The following RAPGEF6 variants were observed in gnomAD, a reference collection of about 807,000 sequenced individuals.
RAPGEF6 encodes the protein Rap guanine nucleotide exchange factor 6, also known as PDZ domain containing guanine nucleotide exchange factor (GEF) 2.
RAPGEF6 carries 56 observed loss-of-function variants against 171.4 expected under a neutral mutation model. That is an observed-to-expected ratio of 0.33 (90% confidence interval 0.26 to 0.41). RAPGEF6 has a LOEUF of 0.41. Ranked by LOEUF, RAPGEF6 falls within the 10% of genes least tolerant of loss-of-function variation. The pLI, the probability that RAPGEF6 is intolerant of heterozygous loss-of-function variation, is 1.00. For synonymous variants in RAPGEF6, 692 were observed against 650.1 expected, an observed-to-expected ratio of 1.06 and a Z score of -0.98; for missense variants, 1,674 against 1,921.4, an observed-to-expected ratio of 0.87 and a Z score of 2.41.
rs866698309 is a variant in RAPGEF6 at position 131,519,420 on chromosome 5, G to A, written c.627+1970C>T. Among the ~76,000 whole-genome samples, 5 of 151,958 alleles carry A rather than the reference G, an allele frequency of 3.3e-5. No homozygotes were observed. The South Asian group carries it at 8.3e-4, about 25-fold the overall frequency. On this transcript the variant is annotated intron_variant, in intron 7 of 27. Coordinates refer to ENST00000509018, the MANE Select transcript of RAPGEF6 (RefSeq NM_016340.6). The stretch of plus-strand genomic sequence containing the variant: ...TTTTTCTTGTCTTTTCTTCTTTTTT[G>A]AGACAGAGTCTTGCTCTGTCGGCCA...
At chr5:131,436,579 G>A (rs1219328029) in intron 24 of RAPGEF6, among the ~76,000 whole-genome samples, 2 of 151,574 alleles carry the variant, frequency 1.3e-5, no homozygotes, top group African/African-American at 4.9e-5. Context: ...ACAGAATGCA[G>A]GAGAAAGATT....
Position 131,604,611 on chromosome 5 carries a change from AACG to A in RAPGEF6, c.140+9_140+11del, listed in dbSNP as rs1764440334. 2 of 1,610,406 alleles carry A rather than the reference AACG, an allele frequency of 1.2e-6. No homozygotes were observed. Among genetic ancestry groups the A allele is most frequent in the Non-Finnish European group, 1.7e-6 (2 of 1,178,670 alleles). On this transcript the variant is annotated intron_variant, in intron 2 of 27. Coordinates refer to ENST00000509018, the MANE Select transcript of RAPGEF6 (RefSeq NM_016340.6). ...ATACAGCGTGTGCTCTTAAATACAG[AACG>A]ACACTTACCTAAGCTGATGTTCCCT...
Position 131,595,816 on chromosome 5 carries a change from C to T in RAPGEF6, c.198-3350G>A, listed in dbSNP as rs116549596. Among the ~76,000 whole-genome samples the T allele has an allele frequency of 8.9e-3, 1,317 of 147,540 alleles. 21 individuals carry two copies. The highest frequency in any genetic ancestry group is 0.032 in the African/African-American group (1,261 of 39,594). ...GATAATAAAACCCAAATGTATGCTG[C>T]GTATAACAGACTCACCTCACTGTTA... On this transcript the variant is annotated intron_variant, in intron 3 of 27. Transcript: ENST00000509018.
At chr5:131,427,892 G>A (rs1054803223) in intron 27 of RAPGEF6, among the ~76,000 whole-genome samples, 4 of 152,118 alleles carry the variant, frequency 2.6e-5, no homozygotes, top group Non-Finnish European at 5.9e-5. Flanking sequence ...CAGATTGCTT[G>A]AGTCCAGGAG....
At chr5:131,476,711 T>C (rs1331428319) in intron 16 of RAPGEF6, among the ~76,000 whole-genome samples, 1 of 152,164 alleles carries the variant, frequency 6.6e-6, no homozygotes, top group Non-Finnish European at 1.5e-5. Context: ...TTTTTATTTT[T>C]GGTAGAGATG....
intron 6 of RAPGEF6, among the ~76,000 whole-genome samples, chr5:131,529,626 A>G (rs1759231810): frequency 6.6e-6 from 1 of 151,904 alleles, no homozygotes; most frequent in Admixed American, 6.6e-5. Context: ...TAAATAAAAC[A>G]AAGGCTGGAC....
chr5:131,526,246 T>C (rs1157949089), intron 6 of RAPGEF6, among the ~76,000 whole-genome samples: 1 of 152,224 alleles, frequency 6.6e-6, no homozygotes. Context: ...ATGGGAATAA[T>C]GATGCTGACT....
chr5:131,436,030 T>C lies in RAPGEF6; in HGVS notation c.3746-2372A>G, dbSNP rs185336622. On this transcript the variant is annotated intron_variant, in intron 24 of 27. Transcript: ENST00000509018. ...GTTACTGTTGCCTTGGCTATTTGAA[T>C]TGAAGATGGCACTCCCTTTCTCATC... is the stretch of plus-strand genomic sequence containing the variant. The C allele has an allele frequency of 8.5e-6, 13 of 1,537,168 alleles. No homozygotes were observed. In the Admixed American group the frequency reaches 1.8e-4, roughly 21 times the overall value.
intron 19 of RAPGEF6, among the ~76,000 whole-genome samples, chr5:131,457,124 C>T (rs1365289696): frequency 3.9e-5 from 6 of 152,122 alleles, no homozygotes; most frequent in Admixed American, 2.0e-4. Context: ...TGCGGTGGTG[C>T]GATCTCAGCT....
At chr5:131,470,604 T>C (rs1754673582) in intron 17 of RAPGEF6, among the ~76,000 whole-genome samples, 1 of 152,216 alleles carries the variant, frequency 6.6e-6, no homozygotes, top group Non-Finnish European at 1.5e-5. Context: ...ATTTAATTTG[T>C]GCTTTGGAAG....
At chr5:131,516,368 A>C (rs1416846751) in intron 7 of RAPGEF6, among the ~76,000 whole-genome samples, 1 of 152,134 alleles carries the variant, frequency 6.6e-6, no homozygotes, top group Non-Finnish European at 1.5e-5. Context: ...AGAAATATTA[A>C]AGAAAGGTGT....
intron 3 of RAPGEF6, among the ~76,000 whole-genome samples, chr5:131,598,668 CT>C (rs1393873194): frequency 6.6e-6 from 1 of 152,184 alleles, no homozygotes; most frequent in African/African-American, 2.4e-5. Context: ...ACAGAAAAAA[CT>C]GCTCAAACTG....
rs779328072 is a variant in RAPGEF6 at position 131,508,137 on chromosome 5, G to A, written c.876C>T (p.Leu292=). Residue 292 remains leucine (L), a synonymous_variant, in exon 9 of 28, where the codon CTC becomes CTT. Transcript: ENST00000509018. ...CCACTTCAAAAATCATCACTGAGCA[G>A]AGTTCTCTCCTTACAGACATGGTCA... ...ANMTMSVRRE[L]CSVMIFEVVE... The A allele has an allele frequency of 6.2e-7, 1 of 1,613,544 alleles. No individual in the cohort carries two copies. The highest frequency in any genetic ancestry group is 8.5e-7 in the Non-Finnish European group (1 of 1,179,636).
Position 131,561,900 on chromosome 5 carries a change from A to G in RAPGEF6, c.351+78T>C, listed in dbSNP as rs1318274681. The G allele has an allele frequency of 1.1e-5, 12 of 1,054,710 alleles. No homozygotes were observed. In the Admixed American group the frequency reaches 2.5e-4, roughly 22 times the overall value. The allele number at this position is 1,054,710 out of a possible 1,614,324, so 65.3% of individuals were successfully genotyped here. ...AAGGTCATAGTAATAAAACCTCCTT[A>G]AGTGTTTAAAGCCTACTACATTTAA... On this transcript the variant is annotated intron_variant, in intron 5 of 27. Coordinates refer to ENST00000509018, the MANE Select transcript of RAPGEF6 (RefSeq NM_016340.6).
At position 131,573,527 on chromosome 5, in the gene RAPGEF6, CAAGA is replaced by C. The variant is rs1489601931; in HGVS notation, c.282-11484_282-11481del. ...GACCTCTACCCTCTCCTCAGATGAA[CAAGA>C]AAGAGTTTACTTTCTAGCCCAGTCC... is the stretch of plus-strand genomic sequence containing the variant. On this transcript the variant is annotated intron_variant, in intron 4 of 27. Transcript: ENST00000509018. Among the ~76,000 whole-genome samples, 5 of 152,112 alleles carry C rather than the reference CAAGA, an allele frequency of 3.3e-5. No individual in the cohort carries two copies. In the East Asian group the frequency reaches 5.8e-4, roughly 18 times the overall value.
intron 4 of RAPGEF6, among the ~76,000 whole-genome samples, chr5:131,570,654 T>C (rs771175312): frequency 1.3e-5 from 2 of 152,132 alleles, no homozygotes; most frequent in Non-Finnish European, 1.5e-5. Flanking sequence ...GGGTGAGCTA[T>C]AAAAACATTA....
Position 131,462,004 on chromosome 5 carries a change from G to T in RAPGEF6, c.2565C>A (p.Ser855=). The T allele has an allele frequency of 6.2e-7, 1 of 1,613,782 alleles. No homozygotes were observed. Among genetic ancestry groups the T allele is most frequent in the Non-Finnish European group, 8.5e-7 (1 of 1,179,822 alleles). Residue 855 remains serine, a synonymous_variant, in exon 19 of 28, where the codon TCC becomes TCA. Coordinates refer to ENST00000509018, the MANE Select transcript of RAPGEF6 (RefSeq NM_016340.6). ...AQELVKESQL[S]MLQLSTIEVA... is the part of the protein sequence containing the mutation. ...CCTCAATGGTACTGAGCTGCAGCATGGATAGCTGGCTTTCCTTAACTAGTT... is the reference window on the plus strand; with the variant it reads ...CCTCAATGGTACTGAGCTGCAGCATTGATAGCTGGCTTTCCTTAACTAGTT...
chr5:131,555,567 ATAAT>A (rs892845512), intron 5 of RAPGEF6, among the ~76,000 whole-genome samples: 1 of 151,982 alleles, frequency 6.6e-6, no homozygotes, highest in African/African-American at 2.4e-5. Context: ...TATATTAACT[ATAAT>A]TATAAATTTC....
At chr5:131,609,105 C>A (rs374306331) in intron 1 of RAPGEF6, among the ~76,000 whole-genome samples, 1 of 152,146 alleles carries the variant, frequency 6.6e-6, no homozygotes, top group African/African-American at 2.4e-5. Flanking sequence ...TGATCTTGCA[C>A]ACACTTGCTC....
Sources: gnomAD v4.1 joint callset for allele counts (sites outside exome capture counted in the v4.1 genomes callset) on GRCh38, gnomAD v4.1.1 for gene constraint, MANE v1.5 for transcripts, NCBI Gene and HGNC (gene_info 2026-07-23, HGNC 2026-07-21) for gene names.